Variants in ST18 observed in about 807,000 individuals in gnomAD.
ST18 encodes suppression of tumorigenicity 18 protein.
In ST18, 50 loss-of-function variants were observed where a neutral mutation model predicts 110.0. The observed-to-expected ratio is 0.45, with a 90% CI of 0.36 to 0.58. The LOEUF (loss-of-function observed/expected upper bound fraction) is 0.58. ST18 is among the 20% of genes least tolerant of loss of function. ST18 has a pLI of 0.00. For missense variants in ST18, 1,306 were observed against 1,280.1 expected (o/e 1.02, Z -0.31); for synonymous variants, 461 against 452.4 (o/e 1.02, Z -0.24).
At chr8:52,398,145 A>T (rs1841780519) in intron 2 of ST18, among the ~76,000 whole-genome samples, 1 of 152,066 alleles carries the variant, frequency 6.6e-6, no homozygotes, top group Admixed American at 6.5e-5. Context: ...CAAATCTTTC[A>T]CTGTATTGGA....
At chr8:52,329,985 C>T (rs1808438413) in intron 2 of ST18, among the ~76,000 whole-genome samples, 1 of 152,060 alleles carries the variant, frequency 6.6e-6, no homozygotes, top group African/African-American at 2.4e-5. Flanking sequence ...GCTCCAAGGG[C>T]CCTTTGTCTT....
At chr8:52,371,734 A>T (rs887798708) in intron 2 of ST18, among the ~76,000 whole-genome samples, 2 of 152,222 alleles carry the variant, frequency 1.3e-5, no homozygotes, top group Non-Finnish European at 2.9e-5. Flanking sequence ...CGGTGATCCC[A>T]TAAGACTATA....
At chr8:52,140,911 C>A (rs933270974) in intron 17 of ST18, among the ~76,000 whole-genome samples, 1 of 151,964 alleles carries the variant, frequency 6.6e-6, no homozygotes, top group Admixed American at 6.6e-5. Flanking sequence ...AAAATACATA[C>A]AAAGATGAAA....
chr8:52,148,831 T>C (rs1196387209), intron 16 of ST18, among the ~76,000 whole-genome samples: 2 of 152,146 alleles, frequency 1.3e-5, no homozygotes, highest in African/African-American at 2.4e-5. Flanking sequence ...AAAAATCAAA[T>C]TAGATCTCAT....
chr8:52,118,434 C>G lies in ST18; in HGVS notation c.2763G>C (p.Glu921Asp). Residue 921 changes from glutamate to aspartate, a missense_variant, in exon 24 of 26, where the codon GAG (glutamate) becomes GAC (aspartate). By Grantham distance (45) the Glu-to-Asp change is conservative. Transcript: ENST00000689386. Reference protein sequence around the residue: ...TIKLKATGGIESDEEIRHLDE... With the variant: ...TIKLKATGGIDSDEEIRHLDE... Reference sequence around the variant, plus strand: ...CCAAATGCCTAATTTCTTCATCACTCTCTATTCCTGTAAAGAGTAAGACTA... The same window carrying G: ...CCAAATGCCTAATTTCTTCATCACTGTCTATTCCTGTAAAGAGTAAGACTA... 1.9e-6 allele frequency: 3 copies of G among 1,601,986 alleles called. No homozygotes were observed. The highest frequency in any genetic ancestry group is 2.6e-6 in the Non-Finnish European group (3 of 1,171,528).
At chr8:52,145,042 T>C (rs1000514912) in intron 16 of ST18, among the ~76,000 whole-genome samples, 2 of 150,274 alleles carry the variant, frequency 1.3e-5, no homozygotes, top group Non-Finnish European at 3.0e-5. Context: ...TTTGTTTTTC[T>C]GTTTAGATGC....
intron 2 of ST18, among the ~76,000 whole-genome samples, chr8:52,368,195 T>G (rs10098576): frequency 6.6e-6 from 1 of 152,032 alleles, no homozygotes; most frequent in African/African-American, 2.4e-5. Flanking sequence ...TCATTAAGCA[T>G]CCCTAACACC....
At chr8:52,324,926 C>T (rs1805610276) in intron 2 of ST18, among the ~76,000 whole-genome samples, 1 of 152,184 alleles carries the variant, frequency 6.6e-6, no homozygotes, top group Admixed American at 6.5e-5. Context: ...TCAAGACCTC[C>T]TGTGAAACCC....
rs532630250 is a variant in ST18, at chr8:52,399,226, A to G, written c.-465+10102T>C. ...TAGGTTATACCATTTATTGGCATAC[A>G]ATTGTTCAGAATAGTTCCTTATGAT... On this transcript the variant is annotated intron_variant, in intron 2 of 25. Coordinates refer to ENST00000689386, the MANE Select transcript of ST18 (RefSeq NM_001352837.2). 2.3e-4 allele frequency among the ~76,000 whole-genome samples: 35 copies of G among 152,144 alleles called. 1 individual carries two copies. In the South Asian group the frequency reaches 6.8e-3, roughly 30 times the overall value.
chr8:52,284,447 G>A (rs1471960331), intron 2 of ST18, among the ~76,000 whole-genome samples: 1 of 152,158 alleles, frequency 6.6e-6, no homozygotes, highest in Non-Finnish European at 1.5e-5. Context: ...GGAAATGAGG[G>A]GGATGACCGA....
At chr8:52,227,989 CTT>C (rs1463355973) in intron 3 of ST18, among the ~76,000 whole-genome samples, 1 of 152,140 alleles carries the variant, frequency 6.6e-6, no homozygotes, top group Non-Finnish European at 1.5e-5. Context: ...AAAAATAACA[CTT>C]TTCAGATGCT....
intron 2 of ST18, among the ~76,000 whole-genome samples, chr8:52,373,750 C>A (rs1319515014): frequency 1.3e-5 from 2 of 152,164 alleles, no homozygotes; most frequent in Non-Finnish European, 2.9e-5. Context: ...ATATATGCCC[C>A]CAACTCTGTT....
chr8:52,131,909 C>T lies in ST18; in HGVS notation c.2666+49G>A, dbSNP rs186970177. On this transcript the variant is annotated intron_variant, in intron 22 of 25. Transcript: ENST00000689386. ...AACCCTCTCCCCAAGGCAGCCTAGGCGACAACCGATCACAACACTACAACA... is the reference window on the plus strand; with the variant it reads ...AACCCTCTCCCCAAGGCAGCCTAGGTGACAACCGATCACAACACTACAACA... 4.2e-4 allele frequency: 665 copies of T among 1,587,052 alleles called. 1 individual carries two copies. The highest frequency in any genetic ancestry group is 6.0e-4 in the Admixed American group (35 of 58,752).
chr8:52,288,000 C>T (rs569584559), intron 2 of ST18, among the ~76,000 whole-genome samples: 6 of 152,282 alleles, frequency 3.9e-5, no homozygotes, highest in African/African-American at 1.4e-4. Flanking sequence ...CAGTCACAAC[C>T]ATAAACTGAG....
intron 15 of ST18, chr8:52,154,874 T>C: frequency 7.4e-6 from 1 of 135,950 alleles, no homozygotes. Flanking sequence ...GAGCAGATCC[T>C]CTCAGAAAAA....
intron 25 of ST18, among the ~76,000 whole-genome samples, chr8:52,113,721 G>A (rs942927113): frequency 6.6e-6 from 1 of 152,094 alleles, no homozygotes; most frequent in Non-Finnish European, 1.5e-5. Flanking sequence ...GGCTGGGAAG[G>A]AAGGGTTGCT....
chr8:52,193,523 C>T (rs1439760346), intron 8 of ST18, among the ~76,000 whole-genome samples: 1 of 152,246 alleles, frequency 6.6e-6, no homozygotes, highest in East Asian at 1.9e-4. Context: ...ACCTGCACTG[C>T]AATTCAACTT....
intron 2 of ST18, among the ~76,000 whole-genome samples, chr8:52,381,553 A>G (rs1349021631): frequency 2.6e-5 from 4 of 152,234 alleles, no homozygotes; most frequent in African/African-American, 7.2e-5. Context: ...TTATTTTAAT[A>G]CATACTATTA....
intron 2 of ST18, among the ~76,000 whole-genome samples, chr8:52,297,159 A>ACAGTG (rs1385564088): frequency 6.6e-6 from 1 of 152,336 alleles, no homozygotes; most frequent in African/African-American, 2.4e-5. Flanking sequence ...CTGCATGCTG[A>ACAGTG]CAGTGCAGTG....
Sources: allele counts gnomAD v4.1 joint callset (sites outside exome capture counted in the v4.1 genomes callset), GRCh38; gene constraint gnomAD v4.1.1; transcripts MANE v1.5; gene names NCBI Gene and HGNC (gene_info 2026-07-23, HGNC 2026-07-21).